The following RNF135 variants were observed in gnomAD, a reference collection of about 807,000 sequenced individuals.
RNF135 encodes the protein E3 ubiquitin-protein ligase RNF135.
RNF135 carries 46 observed loss-of-function variants against 41.9 expected under a neutral mutation model. The ratio of observed to expected loss-of-function variants is 1.10; its 90% CI spans 0.87 to 1.40. The LOEUF (loss-of-function observed/expected upper bound fraction) is 1.40, where lower values mean the gene tolerates loss of function less well. Ranked by LOEUF, RNF135 falls within the 40% of genes most tolerant of loss-of-function variation. RNF135 has a pLI of 0.00. For synonymous variants in RNF135, 238 were observed against 223.8 expected (o/e 1.06, Z -0.57); for missense variants, 539 against 549.8 (o/e 0.98, Z 0.20).
At chr17:30,976,030 G>T (rs566829179) in intron 1 of RNF135, 59 of 277,994 alleles carry the variant, frequency 2.1e-4, no homozygotes, top group African/African-American at 1.2e-3. Context: ...TTTTTGAGAT[G>T]GCGTCTCGCT....
At chr17:30,985,193 G>A (rs1458627964) in intron 2 of RNF135, among the ~76,000 whole-genome samples, 3 of 152,124 alleles carry the variant, frequency 2.0e-5, no homozygotes, top group African/African-American at 7.2e-5. Flanking sequence ...CTCTGCTTAG[G>A]AATTAAATGC....
At chr17:30,996,608 C>T (rs1908365176) in intron 3 of RNF135, among the ~76,000 whole-genome samples, 2 of 152,144 alleles carry the variant, frequency 1.3e-5, no homozygotes, top group Non-Finnish European at 2.9e-5. Context: ...GTCTTAGATT[C>T]ACTGCAGCTG....
At chr17:30,973,782 G>C (rs1397192567) in intron 1 of RNF135, among the ~76,000 whole-genome samples, 1 of 151,988 alleles carries the variant, frequency 6.6e-6, no homozygotes, top group Non-Finnish European at 1.5e-5. Flanking sequence ...AGAGTTTTAT[G>C]GTTTTAGCTT....
chr17:30,985,648 G>T (rs556039556), intron 2 of RNF135, among the ~76,000 whole-genome samples: 1 of 152,186 alleles, frequency 6.6e-6, no homozygotes, highest in East Asian at 1.9e-4. Context: ...TCTTCCAAAT[G>T]CTCCACTCTC....
At position 30,983,307 on chromosome 17, in the gene RNF135, TTACATATATG is replaced by T. The variant is rs1288621263; in HGVS notation, c.373-1300_373-1291del. On this transcript the variant is annotated intron_variant, in intron 1 of 4. Transcript: ENST00000328381. ...TTGCTAAATCATATGGTAATTCTAA[TTACATATATG>T]TACATATATATATATATATATATAT... 1.3e-4 allele frequency among the ~76,000 whole-genome samples: 11 copies of T among 86,814 alleles called. 2 individuals carry two copies. The highest frequency in any genetic ancestry group is 3.8e-4 in the African/African-American group (11 of 29,256). 57.0% of individuals were successfully genotyped at this position (86,814 alleles called of 152,430 possible). A position where few individuals can be genotyped will look rare whatever the true frequency, so the allele number is the denominator to read the frequency against.
upstream of RNF135, chr17:30,970,288 C>A (rs1905781279): frequency 6.6e-6 from 1 of 151,550 alleles, no homozygotes; most frequent in East Asian, 1.9e-4. Flanking sequence ...GACTGGGATG[C>A]GAAGTGAGTG....
At chr17:30,983,117 G>A (rs1198356219) in intron 1 of RNF135, among the ~76,000 whole-genome samples, 1 of 151,552 alleles carries the variant, frequency 6.6e-6, no homozygotes, top group African/African-American at 2.4e-5. Flanking sequence ...AGGCTGAGTA[G>A]TATTCTATTG....
chr17:30,962,923 A>G, the RNF135 span, among the ~76,000 whole-genome samples: 1 of 152,062 alleles, frequency 6.6e-6, no homozygotes, highest in Non-Finnish European at 1.5e-5. Context: ...TATCACCAAC[A>G]GTTGGTGTTG....
chr17:30,971,500 A>G (rs1357610882), intron 1 of RNF135, 55 bp downstream of exon 1: 1 of 1,430,688 alleles, frequency 7.0e-7, no homozygotes, highest in African/African-American at 1.5e-5. Context: ...CCGCCGCCTG[A>G]CCCTTTCCCA....
chr17:30,979,756 G>A (rs1906877621), intron 1 of RNF135, among the ~76,000 whole-genome samples: 2 of 130,486 alleles, frequency 1.5e-5, no homozygotes, highest in Non-Finnish European at 3.4e-5. Flanking sequence ...TGGCCGGGCA[G>A]GGGGCTGACC....
intron 1 of RNF135, among the ~76,000 whole-genome samples, chr17:30,979,651 A>G (rs1428766822): frequency 8.0e-5 from 8 of 100,522 alleles, no homozygotes; most frequent in East Asian, 3.4e-4. Flanking sequence ...GCGGCTGGCC[A>G]GGCGGGGGGC....
At chr17:30,979,250 C>CCCCCCA (rs1224128260) in intron 1 of RNF135, 9 of 144,356 alleles carry the variant, frequency 6.2e-5, no homozygotes, top group African/African-American at 2.5e-4. Flanking sequence ...ACCCCCCCCC[C>CCCCCCA]CACCCTCCCG....
intron 3 of RNF135, among the ~76,000 whole-genome samples, chr17:30,994,954 A>G (rs897158380): frequency 2.0e-5 from 3 of 147,804 alleles, no homozygotes; most frequent in African/African-American, 7.5e-5. Context: ...TTTAATTTTA[A>G]TTTTTTAGGA....
At chr17:30,984,463 T>C (rs1907440239) in intron 1 of RNF135, among the ~76,000 whole-genome samples, 154 bp from the exon 2 acceptor site, 1 of 152,228 alleles carries the variant, frequency 6.6e-6, no homozygotes. Flanking sequence ...TAACTATATA[T>C]GTGAGAGTTT....
chr17:30,999,459 A>T lies in RNF135; in HGVS notation c.*268A>T. ...TAATCCTTTTGTGTGATACAGGATG[A>T]ACTTGGGATGTTTGAACCCTGGACA... On this transcript the variant is annotated 3_prime_UTR_variant, in exon 5 of 5. Transcript: ENST00000328381. 2.1e-6 allele frequency: 1 copy of T among 473,124 alleles called. No homozygotes were observed. Among genetic ancestry groups the T allele is most frequent in the East Asian group, 4.1e-5 (1 of 24,500 alleles). 29.3% of individuals were successfully genotyped at this position (473,124 alleles called of 1,614,324 possible). A position where few individuals can be genotyped will look rare whatever the true frequency, so the allele number is the denominator to read the frequency against.
chr17:30,974,792 A>G (rs1056155018), intron 1 of RNF135, among the ~76,000 whole-genome samples: 6 of 151,556 alleles, frequency 4.0e-5, no homozygotes, highest in Middle Eastern at 3.4e-3. Flanking sequence ...TGATTCTCCT[A>G]CCTCAGCCTC....
chr17:30,967,029 A>T (rs1159596092), upstream of RNF135, among the ~76,000 whole-genome samples: 2 of 152,046 alleles, frequency 1.3e-5, no homozygotes, highest in African/African-American at 4.8e-5. Context: ...AGTAATGTTC[A>T]TTCATAGATA....
At chr17:30,986,058 C>T (rs952478497) in intron 2 of RNF135, among the ~76,000 whole-genome samples, 1 of 152,186 alleles carries the variant, frequency 6.6e-6, no homozygotes, top group African/African-American at 2.4e-5. Flanking sequence ...TCAAATCTCC[C>T]CATTAGAGGC....
At chr17:30,992,411 T>C (rs1598100218) in intron 3 of RNF135, among the ~76,000 whole-genome samples, 1 of 151,876 alleles carries the variant, frequency 6.6e-6, no homozygotes, top group East Asian at 1.9e-4. Flanking sequence ...CAGAGTCTTG[T>C]TCTGTTGCCT....
Sources: allele counts gnomAD v4.1 joint callset (sites outside exome capture counted in the v4.1 genomes callset), GRCh38; gene constraint gnomAD v4.1.1; transcripts MANE v1.5; gene names NCBI Gene and HGNC (gene_info 2026-07-23, HGNC 2026-07-21).